The following ZNF341 variants were observed in gnomAD, a reference collection of about 807,000 sequenced individuals.
ZNF341 encodes the protein zinc finger protein 341.
Under a neutral mutation model 87.7 loss-of-function variants are expected in ZNF341, and 52 were observed. The observed-to-expected ratio is 0.59, with a 90% CI of 0.47 to 0.75. The LOEUF (loss-of-function observed/expected upper bound fraction) is 0.75, where lower values mean the gene tolerates loss of function less well. Among genes scored for constraint, ZNF341 ranks in the 30% least tolerant of loss-of-function variants. The pLI is 0.00. For missense variants in ZNF341, 977 were observed against 1,145.9 expected, an observed-to-expected ratio of 0.85 and a Z score of 2.13; for synonymous variants, 459 against 472.7, an observed-to-expected ratio of 0.97 and a Z score of 0.38.
At position 33,744,289 on chromosome 20, in the gene ZNF341, G is replaced by GA. The variant is rs1184218765; in HGVS notation, c.143-801dup. 3.4e-3 allele frequency among the ~76,000 whole-genome samples: 328 copies of GA among 95,298 alleles called. 1 individual carries two copies. The highest frequency in any genetic ancestry group is 9.0e-3 in the African/African-American group (231 of 25,794). The allele number at this position is 95,298 out of a possible 152,430, so 62.5% of individuals were successfully genotyped here. A position where few individuals can be genotyped will look rare whatever the true frequency, so the allele number is the denominator to read the frequency against. ...CAAGAGTGAAACTCTCTCTCAGAAA[G>GA]AAAAAAAAAAAAAGAAAAGAAAAGG... On this transcript the variant is annotated intron_variant, in intron 2 of 14. Coordinates refer to ENST00000375200, the MANE Select transcript of ZNF341 (RefSeq NM_001282933.2).
At chr20:33,775,234 G>A (rs1325262993) in intron 10 of ZNF341, among the ~76,000 whole-genome samples, 1 of 149,398 alleles carries the variant, frequency 6.7e-6, no homozygotes, top group African/African-American at 2.5e-5. Flanking sequence ...TTTTGAGATG[G>A]AGTCTCGCTC....
In ZNF341 at chr20:33,772,010, T is replaced by TAAAAAAAAAAAAAAAAAAAAAA. The variant is rs57345366; in HGVS notation, c.1622+1722_1622+1743dup. ...GCCTGAGCGACAGAGACGCTTGTCT[T>TAAAAAAAAAAAAAAAAAAAAAA]AAAAAAAAAAAAAAAAAAAAAAAAA... On this transcript the variant is annotated intron_variant, in intron 10 of 14. Coordinates refer to ENST00000375200, the MANE Select transcript of ZNF341 (RefSeq NM_001282933.2). Among the ~76,000 whole-genome samples the TAAAAAAAAAAAAAAAAAAAAAA allele has an allele frequency of 1.2e-4, 7 of 56,166 alleles. 1 individual carries two copies. The highest frequency in any genetic ancestry group is 1.6e-4 in the Non-Finnish European group (5 of 32,060). 36.8% of individuals were successfully genotyped at this position (56,166 alleles called of 152,430 possible).
intron 10 of ZNF341, among the ~76,000 whole-genome samples, chr20:33,772,713 A>T (rs2019556331): frequency 6.6e-6 from 1 of 152,322 alleles, no homozygotes; most frequent in South Asian, 2.1e-4. Context: ...CAAGTGATGT[A>T]TTAATAGAAT....
intron 10 of ZNF341, among the ~76,000 whole-genome samples, chr20:33,773,848 C>T (rs2019573749): frequency 1.3e-5 from 2 of 152,108 alleles, no homozygotes; most frequent in South Asian, 4.1e-4. Flanking sequence ...CTTTAGAAGT[C>T]CAAGCCCTGT....
At chr20:33,774,942 T>C (rs2019599654) in intron 10 of ZNF341, among the ~76,000 whole-genome samples, 1 of 152,134 alleles carries the variant, frequency 6.6e-6, no homozygotes, top group Non-Finnish European at 1.5e-5. Flanking sequence ...CGTGAGACCC[T>C]GTCTCGGGGA....
intron 4 of ZNF341, among the ~76,000 whole-genome samples, chr20:33,752,927 C>T (rs1426666357): frequency 2.6e-5 from 4 of 152,124 alleles, no homozygotes; most frequent in African/African-American, 7.2e-5. Context: ...GGATTACAGG[C>T]GTGAGCCACT....
intron 10 of ZNF341, among the ~76,000 whole-genome samples, chr20:33,778,378 T>A (rs1191633866): frequency 6.6e-6 from 1 of 152,126 alleles, no homozygotes; most frequent in Admixed American, 6.6e-5. Flanking sequence ...GGCATGATCT[T>A]GGCTCACCGC....
rs148902573 is a variant in ZNF341, at chr20:33,779,760, T to C, written c.1623-1531T>C. On this transcript the variant is annotated intron_variant, in intron 10 of 14. Transcript: ENST00000375200. ...GGCACTGCATCCAGCCATGTGACAATTGTAAGAATGAGTGACAGGCAGGTC... is the reference window on the plus strand; with the variant it reads ...GGCACTGCATCCAGCCATGTGACAACTGTAAGAATGAGTGACAGGCAGGTC... Among the ~76,000 whole-genome samples the C allele has an allele frequency of 1.6e-3, 244 of 152,228 alleles. 1 individual carries two copies. Among genetic ancestry groups the C allele is most frequent in the African/African-American group, 5.3e-3 (222 of 41,556 alleles).
At chr20:33,733,747 G>A (rs1432701923) in intron 1 of ZNF341, among the ~76,000 whole-genome samples, 2 of 152,190 alleles carry the variant, frequency 1.3e-5, no homozygotes, top group Non-Finnish European at 2.9e-5. Flanking sequence ...CATCTAGTGG[G>A]GTTCCGATTC....
At position 33,732,365 on chromosome 20, in the gene ZNF341, C is replaced by T. The variant is rs904218681; in HGVS notation, c.31+313C>T. ...CTGCAGGGAACTGCGCGGGAGGCGA[C>T]GGCGGGGCGGTCTGGAACAGCCGCG... On this transcript the variant is annotated intron_variant, in intron 1 of 14. Transcript: ENST00000375200. This position sits in a 1 kb window ranked among gnomAD's most constrained non-coding sequence, Gnocchi z 4.5. 4.6e-5 allele frequency among the ~76,000 whole-genome samples: 7 copies of T among 151,492 alleles called. No individual in the cohort carries two copies. The highest frequency in any genetic ancestry group is 2.1e-4 in the South Asian group (1 of 4,810).
rs551884154 is a variant in ZNF341, at chr20:33,763,386, C to T, written c.1222+1331C>T. Among the ~76,000 whole-genome samples the T allele has an allele frequency of 1.8e-4, 27 of 152,268 alleles. No homozygotes were observed. In the South Asian group the frequency reaches 5.4e-3, roughly 30 times the overall value. On this transcript the variant is annotated intron_variant, in intron 8 of 14. Transcript: ENST00000375200. ...TGCTATCAGCTCACTGCAACCGCTG[C>T]CTTCCAAGCTCAAGTGATCCTCCTG... is the stretch of plus-strand genomic sequence containing the variant.
intron 10 of ZNF341, among the ~76,000 whole-genome samples, chr20:33,777,008 A>G (rs2019640467): frequency 6.6e-6 from 1 of 151,968 alleles, no homozygotes; most frequent in South Asian, 2.1e-4. Flanking sequence ...GCAATATACT[A>G]TAGTTACCAA....
chr20:33,791,507 C>T lies in ZNF341; in HGVS notation c.2555C>T (p.Ala852Val), dbSNP rs1317767652. 7 of 1,558,900 alleles carry T rather than the reference C, an allele frequency of 4.5e-6. No individual in the cohort carries two copies. The highest frequency in any genetic ancestry group is 2.7e-5 in the African/African-American group (2 of 74,110). The change falls in exon 15 of 15, where the codon GCC becomes GTC. Residue 852 changes from alanine to valine, a missense_variant. This residue lies in a region of ZNF341 where 221 missense variants were observed against 212.7 expected (regional missense o/e 1.04). Coordinates refer to ENST00000375200, the MANE Select transcript of ZNF341 (RefSeq NM_001282933.2). ...AMLAVPVYIQ[A>V]SE The stretch of plus-strand genomic sequence containing the variant: ...CTCGCTGTGCCCGTCTACATCCAGG[C>T]CTCCGAGTGACGGACCTGAGGTGTC...
At chr20:33,749,461 T>A (rs2019010368) in intron 4 of ZNF341, among the ~76,000 whole-genome samples, 1 of 151,800 alleles carries the variant, frequency 6.6e-6, no homozygotes, top group Admixed American at 6.6e-5. Flanking sequence ...GCCAGCTAAT[T>A]TTTTTTTGTA....
chr20:33,743,335 A>G (rs1336626097), intron 2 of ZNF341, among the ~76,000 whole-genome samples: 1 of 108,092 alleles, frequency 9.3e-6, no homozygotes, highest in African/African-American at 3.9e-5. Context: ...ACCCTGCCCA[A>G]TTTTTTTTTT....
Position 33,791,879 on chromosome 20 carries a change from C to T in ZNF341, c.*362C>T, listed in dbSNP as rs1601301461. On this transcript the variant is annotated 3_prime_UTR_variant, in exon 15 of 15. Coordinates refer to ENST00000375200, the MANE Select transcript of ZNF341 (RefSeq NM_001282933.2). ...TCCTCCCCACTCTGTCTCCAGGCTG[C>T]CTCTGGGTAGCCTCTAGTCTGCTGT... 4.0e-6 allele frequency: 1 copy of T among 247,516 alleles called. No individual in the cohort carries two copies. The highest frequency in any genetic ancestry group is 7.6e-5 in the East Asian group (1 of 13,110). 15.3% of individuals were successfully genotyped at this position (247,516 alleles called of 1,614,324 possible).
intron 4 of ZNF341, among the ~76,000 whole-genome samples, chr20:33,751,285 G>A (rs140168994): frequency 0.018 from 2,730 of 151,968 alleles, 45 homozygotes; most frequent in South Asian, 0.04. Context: ...TGCGTTTCAC[G>A]ACTACCCACA....
chr20:33,740,385 C>G (rs2018773843), intron 1 of ZNF341, among the ~76,000 whole-genome samples: 2 of 152,166 alleles, frequency 1.3e-5, no homozygotes, highest in South Asian at 4.1e-4. Context: ...TGTAAGAGAG[C>G]CTGGGAAGTG....
chr20:33,777,853 T>C (rs2019660597), intron 10 of ZNF341, among the ~76,000 whole-genome samples: 1 of 152,166 alleles, frequency 6.6e-6, no homozygotes, highest in Non-Finnish European at 1.5e-5. Flanking sequence ...AGTTCCTCCT[T>C]CTGTCTTTGT....
Sources: allele counts gnomAD v4.1 joint callset (sites outside exome capture counted in the v4.1 genomes callset), GRCh38; gene constraint gnomAD v4.1.1; regional missense constraint gnomAD v4.1.1; non-coding constraint Gnocchi (gnomAD v3.1); transcripts MANE v1.5; gene names NCBI Gene and HGNC (gene_info 2026-07-23, HGNC 2026-07-21).